Variants in USP6NL observed in about 807,000 individuals in gnomAD.
USP6NL encodes the protein USP6 N-terminal-like protein.
Under a neutral mutation model 61.9 loss-of-function variants are expected in USP6NL, and 26 were observed. That is an observed-to-expected ratio of 0.42 (90% CI 0.31 to 0.58). The LOEUF (loss-of-function observed/expected upper bound fraction) is 0.58, where lower values mean the gene tolerates loss of function less well. USP6NL is among the 20% of genes least tolerant of loss of function. The pLI is 0.16. For missense variants in USP6NL, 1,114 were observed against 1,034.3 expected (o/e 1.08, Z -1.06); for synonymous variants, 432 against 390.1 (o/e 1.11, Z -1.27).
chr10:11,610,276 T>C (rs1838846767), intron 1 of USP6NL, among the ~76,000 whole-genome samples: 1 of 152,226 alleles, frequency 6.6e-6, no homozygotes. Context: ...CAAATGTTGT[T>C]ATAAAAGAAT....
At position 11,611,527 on chromosome 10, in the gene USP6NL, C is replaced by CGCGGCGCGGCG. The variant is rs1564249820; in HGVS notation, c.-169_-168insCGCCGCGCCGC. 6.3e-6 allele frequency: 1 copy of CGCGGCGCGGCG among 158,820 alleles called. No homozygotes were observed. Among genetic ancestry groups the CGCGGCGCGGCG allele is most frequent in the South Asian group, 1.7e-4 (1 of 5,786 alleles). The allele number at this position is 158,820 out of a possible 1,614,324, so 9.8% of individuals were successfully genotyped here. ...GCCGAGCAGATCCGGCGCGGCGCGG[C>CGCGGCGCGGCG]GCGGCGGCGGCGGCGGCTACCGCAG... On this transcript the variant is annotated 5_prime_UTR_variant, in exon 1 of 15. Coordinates refer to ENST00000609104, the MANE Select transcript of USP6NL (RefSeq NM_014688.5). The surrounding 1 kb of genome is among the most constrained non-coding windows in gnomAD (Gnocchi z 5.3).
chr10:11,483,599 AG>A (rs1301464626), intron 13 of USP6NL, among the ~76,000 whole-genome samples: 25 of 10,880 alleles, frequency 2.3e-3, no homozygotes, highest in South Asian at 0.012. Context: ...AGAGAGGGGG[AG>A]GGGGGAGGGG....
intron 5 of USP6NL, among the ~76,000 whole-genome samples, chr10:11,514,649 A>C (rs1834878548): frequency 6.6e-6 from 1 of 152,078 alleles, no homozygotes; most frequent in Non-Finnish European, 1.5e-5. Context: ...ATTTTGGCCC[A>C]CCTTATACTC....
At chr10:11,519,789 A>C (rs1236011888) in intron 4 of USP6NL, among the ~76,000 whole-genome samples, 1 of 152,218 alleles carries the variant, frequency 6.6e-6, no homozygotes, top group African/African-American at 2.4e-5. Context: ...TCTTGTATTA[A>C]CTGTCAGTAA....
intron 2 of USP6NL, among the ~76,000 whole-genome samples, chr10:11,544,654 A>G (rs1445910332): frequency 6.6e-6 from 1 of 151,742 alleles, no homozygotes; most frequent in Non-Finnish European, 1.5e-5. Context: ...CACCTGGCCA[A>G]CCTTTTGTAT....
chr10:11,550,967 A>G (rs1487902039), intron 2 of USP6NL, among the ~76,000 whole-genome samples: 1 of 152,174 alleles, frequency 6.6e-6, no homozygotes, highest in Non-Finnish European at 1.5e-5. Flanking sequence ...AAAGTTAAAA[A>G]TACTGAAAAC....
chr10:11,549,355 AGTT>A (rs1253463385), intron 2 of USP6NL, among the ~76,000 whole-genome samples: 4 of 152,182 alleles, frequency 2.6e-5, no homozygotes, highest in Non-Finnish European at 5.9e-5. Context: ...AGGCCTATCT[AGTT>A]ATTATTGATC....
intron 3 of USP6NL, among the ~76,000 whole-genome samples, chr10:11,526,562 T>C (rs530096624): frequency 6.6e-6 from 1 of 152,212 alleles, no homozygotes; most frequent in Non-Finnish European, 1.5e-5. Flanking sequence ...GGAAACTGTG[T>C]TTGATGTTCC....
intron 2 of USP6NL, among the ~76,000 whole-genome samples, chr10:11,593,718 C>T (rs1838231656): frequency 1.3e-5 from 2 of 152,070 alleles, no homozygotes; most frequent in Non-Finnish European, 1.5e-5. Context: ...AGAATAAAAG[C>T]GGAAAAACAT....
In USP6NL at chr10:11,490,898, C is replaced by G; in HGVS notation, c.495-18G>C. The G allele has an allele frequency of 6.6e-7, 1 of 1,521,460 alleles. No individual in the cohort carries two copies. Among genetic ancestry groups the G allele is most frequent in the Non-Finnish European group, 8.8e-7 (1 of 1,136,140 alleles). The allele number at this position is 1,521,460 out of a possible 1,614,324, so 94.2% of individuals were successfully genotyped here. A position where few individuals can be genotyped will look rare whatever the true frequency, so the allele number is the denominator to read the frequency against. Reference sequence around the variant, plus strand: ...ATTGTTGCCTAGAGAAAAAAATTTACATTAAATACAATTTAGTAATTTCAC... The same window carrying G: ...ATTGTTGCCTAGAGAAAAAAATTTAGATTAAATACAATTTAGTAATTTCAC... On this transcript the variant is annotated intron_variant, in intron 8 of 14. Transcript: ENST00000609104. This position sits in a 1 kb window ranked among gnomAD's most constrained non-coding sequence, Gnocchi z 4.5.
intron 2 of USP6NL, among the ~76,000 whole-genome samples, chr10:11,579,445 CCAGTACTACTT>C (rs1837665197): frequency 6.6e-6 from 1 of 152,180 alleles, no homozygotes; most frequent in Admixed American, 6.5e-5. Context: ...AAGTTTCTTG[CCAGTACTACTT>C]CAATTACATG....
At chr10:11,466,936 T>C (rs1034598986) in intron 14 of USP6NL, among the ~76,000 whole-genome samples, 2 of 152,242 alleles carry the variant, frequency 1.3e-5, no homozygotes, top group Non-Finnish European at 2.9e-5. Flanking sequence ...CAGTCCACTG[T>C]TGACCGAAAG....
chr10:11,609,258 G>C (rs1282993739), intron 1 of USP6NL, among the ~76,000 whole-genome samples: 1 of 151,998 alleles, frequency 6.6e-6, no homozygotes, highest in Non-Finnish European at 1.5e-5. Context: ...TAGGAACGGG[G>C]GTTTCAGCAT....
chr10:11,550,953 G>C (rs58824183), intron 2 of USP6NL, among the ~76,000 whole-genome samples: 15,900 of 152,006 alleles, frequency 0.1, 1,319 homozygotes, highest in East Asian at 0.42. Context: ...GTACCACTAT[G>C]GTCAAAGTTA....
Position 11,476,142 on chromosome 10 carries a change from T to C in USP6NL, c.1078+5628A>G, listed in dbSNP as rs1369996162. Reference sequence around the variant, plus strand: ...ACTTAAGCCCATAACAAATACAAAATGTAGCCCTGACTAAGTGCTGGTGAG... The same window carrying C: ...ACTTAAGCCCATAACAAATACAAAACGTAGCCCTGACTAAGTGCTGGTGAG... On this transcript the variant is annotated intron_variant, in intron 14 of 14. Transcript: ENST00000609104. This position sits in a 1 kb window ranked among gnomAD's most constrained non-coding sequence, Gnocchi z 4.3. 2.0e-5 allele frequency among the ~76,000 whole-genome samples: 3 copies of C among 152,142 alleles called. No individual in the cohort carries two copies. Among genetic ancestry groups the C allele is most frequent in the African/African-American group, 7.2e-5 (3 of 41,432 alleles).
At position 11,518,388 on chromosome 10, in the gene USP6NL, T is replaced by C. The variant is rs1835046249; in HGVS notation, c.195+147A>G. Reference sequence around the variant, plus strand: ...ATTATTTCACCATTAACTATTATCTTACAGTGGCATAATGAGGTCCAAAAT... The same window carrying C: ...ATTATTTCACCATTAACTATTATCTCACAGTGGCATAATGAGGTCCAAAAT... On this transcript the variant is annotated intron_variant, in intron 5 of 14. Transcript: ENST00000609104. The surrounding 1 kb of genome is among the most constrained non-coding windows in gnomAD (Gnocchi z 5.3). The C allele has an allele frequency of 2.8e-6, 2 of 723,464 alleles. No homozygotes were observed. The highest frequency in any genetic ancestry group is 4.9e-6 in the Non-Finnish European group (2 of 409,960). The allele number at this position is 723,464 out of a possible 1,614,324, so 44.8% of individuals were successfully genotyped here.
intron 2 of USP6NL, among the ~76,000 whole-genome samples, chr10:11,555,432 AAATAT>A (rs1307532643): frequency 1.3e-5 from 1 of 74,828 alleles, no homozygotes; most frequent in African/African-American, 5.6e-5. Context: ...AAAAAAAAAA[AAATAT>A]ATATATATAT....
At chr10:11,579,241 G>A (rs1375363079) in intron 2 of USP6NL, among the ~76,000 whole-genome samples, 1 of 152,192 alleles carries the variant, frequency 6.6e-6, no homozygotes, top group African/African-American at 2.4e-5. Context: ...TTGCAATACA[G>A]AATCAGGAAC....
Position 11,485,696 on chromosome 10 carries a change from T to G in USP6NL, c.759+121A>C, listed in dbSNP as rs912394570. 7.6e-6 allele frequency: 5 copies of G among 661,020 alleles called. No homozygotes were observed. Among genetic ancestry groups the G allele is most frequent in the Non-Finnish European group, 1.3e-5 (5 of 393,368 alleles). The allele number at this position is 661,020 out of a possible 1,614,324, so 40.9% of individuals were successfully genotyped here. On this transcript the variant is annotated intron_variant, in intron 11 of 14. Transcript: ENST00000609104. The surrounding 1 kb of genome is among the most constrained non-coding windows in gnomAD (Gnocchi z 4.8). ...TAAACAACTGGGAATTATAACTGCA[T>G]AGTAAATGAAATGGATGACACTATA...
Sources: allele counts gnomAD v4.1 joint callset (sites outside exome capture counted in the v4.1 genomes callset), GRCh38; gene constraint gnomAD v4.1.1; non-coding constraint Gnocchi (gnomAD v3.1); transcripts MANE v1.5; gene names NCBI Gene and HGNC (gene_info 2026-07-23, HGNC 2026-07-21).